The following LRP1B variants were observed in gnomAD, a reference collection of about 807,000 sequenced individuals.
The protein encoded by LRP1B is LDL receptor related protein 1B.
A neutral mutation model predicts 556.6 loss-of-function variants in LRP1B; 217 were observed. That is an observed-to-expected ratio of 0.39 (90% CI 0.35 to 0.44). The LOEUF (loss-of-function observed/expected upper bound fraction) is 0.44, where lower values mean the gene tolerates loss of function less well. Ranked by LOEUF, LRP1B falls within the 20% of genes least tolerant of loss-of-function variation. LRP1B has a pLI of 1.00. For synonymous variants in LRP1B, 2,047 were observed against 1,865.8 expected (o/e 1.10, Z -2.50); for missense variants, 5,053 against 5,620.8 (o/e 0.90, Z 3.23).
chr2:142,072,711 A>T (rs1188925404), intron 1 of LRP1B, among the ~76,000 whole-genome samples: 3 of 151,990 alleles, frequency 2.0e-5, no homozygotes, highest in Non-Finnish European at 4.4e-5. Context: ...CCTGACTTAA[A>T]TGATTACACT....
At chr2:141,314,810 TTATATATATATATATATGTG>T (rs1390321117) in intron 3 of LRP1B, among the ~76,000 whole-genome samples, 2 of 123,502 alleles carry the variant, frequency 1.6e-5, no homozygotes, top group Admixed American at 1.8e-4. Flanking sequence ...AAAAAAAAAT[TTATATATATATATATATGTG>T]TATATATATA....
intron 39 of LRP1B, 86 bp from the exon 40 acceptor site, chr2:140,701,931 C>A (rs2105427231): frequency 6.5e-7 from 1 of 1,535,444 alleles, no homozygotes; most frequent in Non-Finnish European, 8.9e-7. Flanking sequence ...AACAGATGGA[C>A]CAACAGAAGG....
At chr2:140,763,052 A>C (rs970331663) in intron 35 of LRP1B, among the ~76,000 whole-genome samples, 23 of 152,148 alleles carry the variant, frequency 1.5e-4, no homozygotes, top group Admixed American at 1.1e-3. Flanking sequence ...TAAGTATCAG[A>C]GTATGGAGTA....
Position 141,173,612 on chromosome 2 carries a change from C to T in LRP1B, c.1013+14809G>A, listed in dbSNP as rs1487512677. 2.6e-5 allele frequency among the ~76,000 whole-genome samples: 4 copies of T among 152,224 alleles called. No homozygotes were observed. The East Asian group carries it at 5.8e-4, about 22-fold the overall frequency. On this transcript the variant is annotated intron_variant, in intron 7 of 90. Coordinates refer to ENST00000389484, the MANE Select transcript of LRP1B (RefSeq NM_018557.3). ...GTCTATATTGTGGGGCTAAGTTTCT[C>T]ACTTGTTCCTCCTGCATGTCAATAA...
At chr2:141,909,512 C>G (rs1201504864) in intron 1 of LRP1B, among the ~76,000 whole-genome samples, 2 of 140,058 alleles carry the variant, frequency 1.4e-5, no homozygotes, top group Non-Finnish European at 3.0e-5. Context: ...TTTAATCAGA[C>G]TAAGGTCTCA....
At chr2:141,653,640 A>G (rs1398851726) in intron 2 of LRP1B, among the ~76,000 whole-genome samples, 4 of 152,196 alleles carry the variant, frequency 2.6e-5, no homozygotes, top group African/African-American at 9.6e-5. Context: ...AATCAGAATA[A>G]AGTTCAAGCT....
intron 1 of LRP1B, among the ~76,000 whole-genome samples, chr2:141,957,932 C>A (rs1180956770): frequency 6.6e-6 from 1 of 151,950 alleles, no homozygotes; most frequent in South Asian, 2.1e-4. Flanking sequence ...ATTAGAGAAA[C>A]CTGATAATGC....
At chr2:141,716,377 CG>C (rs1474658004) in intron 2 of LRP1B, among the ~76,000 whole-genome samples, 1 of 152,022 alleles carries the variant, frequency 6.6e-6, no homozygotes, top group African/African-American at 2.4e-5. Context: ...TTGAGAGTCA[CG>C]GATGCTAGTG....
At chr2:140,717,381 GGTACGA>G (rs2105466442) in intron 35 of LRP1B, among the ~76,000 whole-genome samples, 1 of 152,066 alleles carries the variant, frequency 6.6e-6, no homozygotes, top group South Asian at 2.1e-4. Flanking sequence ...TTCCTTCTAA[GGTACGA>G]GTTTCTTAAA....
intron 59 of LRP1B, among the ~76,000 whole-genome samples, chr2:140,476,369 AT>A (rs1362846277): frequency 1.3e-5 from 2 of 151,912 alleles, no homozygotes; most frequent in African/African-American, 4.8e-5. Context: ...AGTTCTTCAG[AT>A]TTACAAGATT....
chr2:141,114,802 A>C lies in LRP1B; in HGVS notation c.1014-52529T>G, dbSNP rs531422680. 7.2e-5 allele frequency among the ~76,000 whole-genome samples: 11 copies of C among 152,154 alleles called. No homozygotes were observed. In the East Asian group the frequency reaches 2.1e-3, roughly 30 times the overall value. On this transcript the variant is annotated intron_variant, in intron 7 of 90. Transcript: ENST00000389484. ...TGTTTGTATAAATTGTCAGAGGAAA[A>C]TTCGTAATTAAGTGTGTGGGTGCGT...
chr2:141,568,241 T>C (rs1342756216), intron 2 of LRP1B, among the ~76,000 whole-genome samples: 8 of 151,068 alleles, frequency 5.3e-5, no homozygotes, highest in African/African-American at 1.7e-4. Context: ...GACTTAAGAA[T>C]GTCAAAATAA....
chr2:141,284,843 C>T (rs558311595), intron 3 of LRP1B, among the ~76,000 whole-genome samples: 20 of 152,286 alleles, frequency 1.3e-4, no homozygotes, highest in African/African-American at 4.3e-4. Flanking sequence ...CAGTACCACA[C>T]TTTTAATTAT....
intron 14 of LRP1B, 132 bp downstream of exon 14, chr2:141,013,424 A>G (rs1697811862): frequency 1.4e-6 from 1 of 693,046 alleles, no homozygotes; most frequent in Middle Eastern, 4.2e-4. Flanking sequence ...ATCTGATTTG[A>G]TTGACTTTGG....
At chr2:141,624,036 C>CA in intron 2 of LRP1B, among the ~76,000 whole-genome samples, 992 of 90,736 alleles carry the variant, frequency 0.011, 36 homozygotes, top group African/African-American at 0.02. Context: ...AAAAATTAAA[C>CA]AAAAAAAAAA....
chr2:140,488,944 T>C (rs1688590120), intron 57 of LRP1B, among the ~76,000 whole-genome samples: 2 of 151,978 alleles, frequency 1.3e-5, no homozygotes, highest in African/African-American at 4.8e-5. Flanking sequence ...GGTCTGAGTT[T>C]AGTTTCAACA....
intron 35 of LRP1B, among the ~76,000 whole-genome samples, chr2:140,766,865 TA>T (rs1281746887): frequency 2.7e-3 from 160 of 58,896 alleles, no homozygotes; most frequent in East Asian, 0.019. Flanking sequence ...TATATATATA[TA>T]ATATATATAA....
At chr2:140,661,566 T>C (rs1049343436) in intron 41 of LRP1B, among the ~76,000 whole-genome samples, 4 of 149,922 alleles carry the variant, frequency 2.7e-5, no homozygotes, top group African/African-American at 9.8e-5. Flanking sequence ...ACTGGGGTGG[T>C]TGAGATAGGA....
intron 2 of LRP1B, among the ~76,000 whole-genome samples, chr2:141,734,456 TAG>T (rs1047388331): frequency 6.6e-6 from 1 of 151,166 alleles, no homozygotes; most frequent in East Asian, 1.9e-4. Context: ...CAGGGAGAGA[TAG>T]AGAGAGAGAG....
Sources: gnomAD v4.1 joint callset for allele counts (sites outside exome capture counted in the v4.1 genomes callset) on GRCh38, gnomAD v4.1.1 for gene constraint, MANE v1.5 for transcripts, NCBI Gene and HGNC (gene_info 2026-07-23, HGNC 2026-07-21) for gene names.